Variants in AASS observed in about 807,000 individuals in gnomAD.
The protein encoded by AASS is aminoadipate-semialdehyde synthase.
In AASS, 86 loss-of-function variants were observed where a neutral mutation model predicts 105.4. The observed-to-expected ratio is 0.82, with a 90% CI of 0.69 to 0.98. The LOEUF (loss-of-function observed/expected upper bound fraction) is 0.98. AASS is among the 50% of genes least tolerant of loss of function. AASS has a pLI of 0.00. For synonymous variants in AASS, 381 were observed against 394.8 expected, an observed-to-expected ratio of 0.96 and a Z score of 0.41; for missense variants, 1,048 against 1,143.2, an observed-to-expected ratio of 0.92 and a Z score of 1.20.
At chr7:122,125,162 C>T (rs566438662) in intron 4 of AASS, among the ~76,000 whole-genome samples, 23 of 152,048 alleles carry the variant, frequency 1.5e-4, no homozygotes, top group African/African-American at 2.9e-4. Flanking sequence ...TCAAATGATC[C>T]GCCCGCCTCA....
chr7:122,086,734 C>A (rs1423100510), intron 18 of AASS, among the ~76,000 whole-genome samples: 1 of 152,056 alleles, frequency 6.6e-6, no homozygotes, highest in Non-Finnish European at 1.5e-5. Flanking sequence ...CTTCTAAATG[C>A]CACATTAGGC....
At chr7:122,118,703 C>T (rs1316690712) in intron 4 of AASS, 73 bp from the exon 5 acceptor site, 2 of 1,441,480 alleles carry the variant, frequency 1.4e-6, no homozygotes, top group African/African-American at 2.8e-5. Flanking sequence ...GCTCGTTCTC[C>T]AATCTGCATG....
At chr7:122,132,736 A>G (rs993456843) in intron 2 of AASS, among the ~76,000 whole-genome samples, 1 of 152,186 alleles carries the variant, frequency 6.6e-6, no homozygotes, top group East Asian at 1.9e-4. Context: ...TCACGAGAAA[A>G]CAACCAGATT....
chr7:122,083,025 T>A (rs983215286), intron 19 of AASS: 9 of 431,192 alleles, frequency 2.1e-5, no homozygotes, highest in Non-Finnish European at 3.6e-5. Flanking sequence ...TTATCTTATC[T>A]GCAATTACTG....
At chr7:122,079,310 A>G (rs913748509) in intron 21 of AASS, 2 of 1,352,612 alleles carry the variant, frequency 1.5e-6, no homozygotes, top group Non-Finnish European at 1.9e-6. Flanking sequence ...GTAATATTCT[A>G]TGACTACTCC....
In AASS at chr7:122,078,879, A is replaced by T. The variant is rs574621404; in HGVS notation, c.2468T>A (p.Val823Asp). The T allele has an allele frequency of 3.5e-5, 56 of 1,614,058 alleles. 1 individual carries two copies. The South Asian group carries it at 6.0e-4, about 17-fold the overall frequency. Residue 823 changes from valine (V) to aspartate (D), a missense_variant, in exon 22 of 24, where the codon GTC becomes GAC. Transcript: ENST00000417368. ...SILDALSKHLVMKLSYGPEEK... is the reference protein window; with the variant it reads ...SILDALSKHLDMKLSYGPEEK... ...TGGCCTACCATAGGAAAGCTTCATG[A>T]CCAAATGCTTGGAGAGGGCATCCAG...
intron 1 of AASS, among the ~76,000 whole-genome samples, chr7:122,139,330 C>T (rs138576945): frequency 1.3e-5 from 2 of 152,142 alleles, no homozygotes; most frequent in African/African-American, 2.4e-5. Context: ...CAATCCCTGC[C>T]CATGTTCAGG....
chr7:122,112,998 G>A (rs1430662757), intron 11 of AASS, 120 bp downstream of exon 11: 2 of 804,420 alleles, frequency 2.5e-6, no homozygotes, highest in African/African-American at 3.4e-5. Context: ...TTTCAGGGAA[G>A]GGCTGGCATT....
In AASS at chr7:122,098,819, A is replaced by G. The variant is rs373782095; in HGVS notation, c.1454T>C (p.Val485Ala). The G allele has an allele frequency of 4.4e-6, 7 of 1,605,766 alleles. No homozygotes were observed. Among genetic ancestry groups the G allele is most frequent in the Non-Finnish European group, 6.0e-6 (7 of 1,176,246 alleles). Residue 485 changes from valine (V) to alanine (A), a missense_variant, in exon 14 of 24, where the codon GTT becomes GCT. By Grantham distance (64) the Val-to-Ala change is moderately conservative (BLOSUM62 0). Coordinates refer to ENST00000417368, the MANE Select transcript of AASS (RefSeq NM_005763.4). ...LSMGTRRKVLVLGSGYISEPV... is the reference protein window; with the variant it reads ...LSMGTRRKVLALGSGYISEPV... ...CTCAGATATGTAGCCAGATCCAAGA[A>G]CCAAAACCTTTCTCCTGGTGCCCAT... is the stretch of plus-strand genomic sequence containing the variant.
Position 122,080,399 on chromosome 7 carries a change from C to T in AASS, c.2281-687G>A, listed in dbSNP as rs556492396. 3.3e-5 allele frequency among the ~76,000 whole-genome samples: 5 copies of T among 152,186 alleles called. No homozygotes were observed. The East Asian group carries it at 9.7e-4, about 29-fold the overall frequency. On this transcript the variant is annotated intron_variant, in intron 20 of 23. Coordinates refer to ENST00000417368, the MANE Select transcript of AASS (RefSeq NM_005763.4). The stretch of plus-strand genomic sequence containing the variant: ...AGAACTGAGTGGTACTGACAGAGAC[C>T]GTGTGGCCCATAAAGTCTAAAACCT...
chr7:122,139,910 C>T lies in AASS; in HGVS notation c.-16+4251G>A, dbSNP rs73426059. Among the ~76,000 whole-genome samples, 579 of 152,008 alleles carry T rather than the reference C, an allele frequency of 3.8e-3. 4 individuals are homozygous for T. Among genetic ancestry groups the T allele is most frequent in the African/African-American group, 0.013 (551 of 41,428 alleles). On this transcript the variant is annotated intron_variant, in intron 1 of 23. Transcript: ENST00000417368. ...AAGTTTGCAGTAAGTGAAGATCATGCCATTACACTCCCACCTGGACAACAA... is the reference window on the plus strand; with the variant it reads ...AAGTTTGCAGTAAGTGAAGATCATGTCATTACACTCCCACCTGGACAACAA...
intron 6 of AASS, among the ~76,000 whole-genome samples, chr7:122,117,837 G>T (rs1347888916): frequency 6.6e-6 from 1 of 151,738 alleles, no homozygotes; most frequent in Non-Finnish European, 1.5e-5. Flanking sequence ...TGTATTTTTG[G>T]TATAGGTGGT....
chr7:122,110,253 GA>G (rs1292430894), intron 11 of AASS, among the ~76,000 whole-genome samples: 1 of 150,830 alleles, frequency 6.6e-6, no homozygotes, highest in Non-Finnish European at 1.5e-5. Flanking sequence ...AACAGATTAA[GA>G]AAAAACAGAA....
chr7:122,075,457 G>A lies in AASS; in HGVS notation c.*1032C>T, dbSNP rs571251023. Among the ~76,000 whole-genome samples, 2 of 152,124 alleles carry A rather than the reference G, an allele frequency of 1.3e-5. No homozygotes were observed. Among genetic ancestry groups the A allele is most frequent in the South Asian group, 4.2e-4 (2 of 4,814 alleles). On this transcript the variant is annotated 3_prime_UTR_variant, in exon 24 of 24. Transcript: ENST00000417368. ...CTAATTGCCCTTTCTTGACTGTCCA[G>A]TACAAGTTGAATAGAAATGGCCAAA...
At chr7:122,137,667 G>A (rs1796213655) in intron 1 of AASS, among the ~76,000 whole-genome samples, 1 of 152,162 alleles carries the variant, frequency 6.6e-6, no homozygotes. Flanking sequence ...TTGCTTCTAA[G>A]GTCTTCAAGA....
At chr7:122,089,374 T>G (rs2268074) in intron 18 of AASS, among the ~76,000 whole-genome samples, 1 of 152,104 alleles carries the variant, frequency 6.6e-6, no homozygotes. Context: ...GAAACGCAGG[T>G]GGGACCTTGA....
At chr7:122,132,264 T>C (rs1165539070) in intron 2 of AASS, among the ~76,000 whole-genome samples, 1 of 152,078 alleles carries the variant, frequency 6.6e-6, no homozygotes, top group Non-Finnish European at 1.5e-5. Flanking sequence ...TGCACTGTAA[T>C]AGAACAGTTC....
chr7:122,126,299 C>G, intron 4 of AASS, 76 bp downstream of exon 4: 5 of 1,310,158 alleles, frequency 3.8e-6, no homozygotes, highest in Non-Finnish European at 5.5e-6. Context: ...ATCCCCTTGC[C>G]GCAGAAAAGA....
intron 15 of AASS, among the ~76,000 whole-genome samples, chr7:122,093,949 C>T (rs1450211143): frequency 6.6e-6 from 1 of 152,060 alleles, no homozygotes; most frequent in African/African-American, 2.4e-5. Flanking sequence ...AACATGGATG[C>T]AACTGGAAAC....
Sources: allele counts gnomAD v4.1 joint callset (sites outside exome capture counted in the v4.1 genomes callset), GRCh38; gene constraint gnomAD v4.1.1; transcripts MANE v1.5; gene names NCBI Gene and HGNC (gene_info 2026-07-23, HGNC 2026-07-21).